The following PARD3B variants were observed in gnomAD, a reference collection of about 807,000 sequenced individuals.
PARD3B encodes the protein par-3 family cell polarity regulator beta, also known as partitioning defective 3 homolog B.
Under a neutral mutation model 130.2 loss-of-function variants are expected in PARD3B, and 103 were observed. The observed-to-expected ratio is 0.79, with a 90% CI of 0.67 to 0.93. PARD3B has a LOEUF of 0.93. Ranked by LOEUF, PARD3B falls within the 40% of genes least tolerant of loss-of-function variation. The probability of loss-of-function intolerance (pLI) is 0.00; values close to 1 mark genes in which losing one functional copy is unlikely to be tolerated. For synonymous variants in PARD3B, 583 were observed against 553.2 expected, an observed-to-expected ratio of 1.05 and a Z score of -0.76; for missense variants, 1,609 against 1,499.2, an observed-to-expected ratio of 1.07 and a Z score of -1.21.
At chr2:204,674,826 T>A (rs554804517) in intron 1 of PARD3B, among the ~76,000 whole-genome samples, 1 of 152,350 alleles carries the variant, frequency 6.6e-6, no homozygotes, top group South Asian at 2.1e-4. Context: ...GTCGAAAGTA[T>A]TCTTTGGAGT....
At chr2:204,616,425 T>A (rs1342410111) in intron 1 of PARD3B, among the ~76,000 whole-genome samples, 1 of 152,182 alleles carries the variant, frequency 6.6e-6, no homozygotes, top group African/African-American at 2.4e-5. Flanking sequence ...GAGTTACTAC[T>A]GCACATCTAT....
chr2:205,381,225 A>T (rs1316210773), intron 18 of PARD3B, among the ~76,000 whole-genome samples: 1 of 127,454 alleles, frequency 7.8e-6, no homozygotes, highest in Non-Finnish European at 1.6e-5. Flanking sequence ...TATATATTAT[A>T]TATAATATAT....
intron 2 of PARD3B, among the ~76,000 whole-genome samples, chr2:204,916,598 T>C (rs955108110): frequency 2.0e-5 from 3 of 152,174 alleles, no homozygotes; most frequent in African/African-American, 7.2e-5. Flanking sequence ...GAGTGTATTT[T>C]ATAAGGAAAA....
chr2:205,253,301 C>A lies in PARD3B; in HGVS notation c.2185+7479C>A. 2.0e-6 allele frequency: 1 copy of A among 502,250 alleles called. No homozygotes were observed. Among genetic ancestry groups the A allele is most frequent in the East Asian group, 5.3e-5 (1 of 18,804 alleles). The allele number at this position is 502,250 out of a possible 1,614,324, so 31.1% of individuals were successfully genotyped here. On this transcript the variant is annotated intron_variant, in intron 16 of 22. Coordinates refer to ENST00000406610, the MANE Select transcript of PARD3B (RefSeq NM_001302769.2). The surrounding 1 kb of genome is among the most constrained non-coding windows in gnomAD (Gnocchi z 4.4). ...AGAGTAAAATGTATTAACACAAAGGCTCTGGCCGCCCCCCTACAAAGGAGG... is the reference window on the plus strand; with the variant it reads ...AGAGTAAAATGTATTAACACAAAGGATCTGGCCGCCCCCCTACAAAGGAGG...
chr2:205,574,147 T>G (rs73985049), intron 22 of PARD3B, among the ~76,000 whole-genome samples: 7 of 152,290 alleles, frequency 4.6e-5, no homozygotes, highest in African/African-American at 1.7e-4. Flanking sequence ...AGAAAGAACA[T>G]TGAAATCAAA....
intron 18 of PARD3B, among the ~76,000 whole-genome samples, chr2:205,326,364 T>C (rs1391491790): frequency 6.6e-6 from 1 of 152,170 alleles, no homozygotes; most frequent in Non-Finnish European, 1.5e-5. Context: ...AGGGACACAA[T>C]TTGACAATTG....
intron 21 of PARD3B, among the ~76,000 whole-genome samples, chr2:205,506,956 T>A (rs2050389467): frequency 6.6e-6 from 1 of 152,176 alleles, no homozygotes; most frequent in South Asian, 2.1e-4. Context: ...TAGGAGTCTC[T>A]TTTTTCATCT....
Position 205,288,050 on chromosome 2 carries a change from T to C in PARD3B, c.2186-12480T>C, listed in dbSNP as rs1039293332. ...ACCTCATTTATTTTGTGTGTCCCCA[T>C]GTTATTAGTTTTACTGCCCATTAAT... On this transcript the variant is annotated intron_variant, in intron 16 of 22. Coordinates refer to ENST00000406610, the MANE Select transcript of PARD3B (RefSeq NM_001302769.2). The surrounding 1 kb of genome is among the most constrained non-coding windows in gnomAD (Gnocchi z 4.0). Among the ~76,000 whole-genome samples, 2 of 152,140 alleles carry C rather than the reference T, an allele frequency of 1.3e-5. No homozygotes were observed. Among genetic ancestry groups the C allele is most frequent in the African/African-American group, 4.8e-5 (2 of 41,442 alleles).
At chr2:205,049,967 T>C (rs1699076582) in intron 4 of PARD3B, among the ~76,000 whole-genome samples, 1 of 152,090 alleles carries the variant, frequency 6.6e-6, no homozygotes, top group South Asian at 2.1e-4. Flanking sequence ...CTTAGGTGTC[T>C]CTTGCTTCAG....
In PARD3B at chr2:205,276,874, T is replaced by G. The variant is rs1360397504; in HGVS notation, c.2186-23656T>G. ...ACCCTTAGTCATGCTGAGCCTCAGC[T>G]TATTTAGCTTTAAATGATGGGTAAT... On this transcript the variant is annotated intron_variant, in intron 16 of 22. Transcript: ENST00000406610. The surrounding 1 kb of genome is among the most constrained non-coding windows in gnomAD (Gnocchi z 5.0). Among the ~76,000 whole-genome samples, 1 of 152,166 alleles carries G rather than the reference T, an allele frequency of 6.6e-6. No homozygotes were observed. Among genetic ancestry groups the G allele is most frequent in the Non-Finnish European group, 1.5e-5 (1 of 68,022 alleles).
Position 205,057,400 on chromosome 2 carries a change from GTGTTATATA to G in PARD3B, c.504+9711_504+9719del, listed in dbSNP as rs1559396690. On this transcript the variant is annotated intron_variant, in intron 4 of 22. Transcript: ENST00000406610. ...TACATATACATATATACATGTATAT[GTGTTATATA>G]CATATACATATATACATGTATATGT... is the stretch of plus-strand genomic sequence containing the variant. Among the ~76,000 whole-genome samples, 159 of 129,570 alleles carry G rather than the reference GTGTTATATA, an allele frequency of 1.2e-3. 2 individuals carry two copies. The highest frequency in any genetic ancestry group is 4.2e-3 in the African/African-American group (152 of 36,192). The allele number at this position is 129,570 out of a possible 152,430, so 85.0% of individuals were successfully genotyped here. A position where few individuals can be genotyped will look rare whatever the true frequency, so the allele number is the denominator to read the frequency against.
At chr2:205,260,202 G>T (rs1263454861) in intron 16 of PARD3B, among the ~76,000 whole-genome samples, 1 of 152,082 alleles carries the variant, frequency 6.6e-6, no homozygotes, top group African/African-American at 2.4e-5. Flanking sequence ...ATGTGTTCAG[G>T]TAAAAAAGCA....
intron 3 of PARD3B, among the ~76,000 whole-genome samples, chr2:204,969,564 T>G (rs1421745638): frequency 6.6e-6 from 1 of 152,192 alleles, no homozygotes; most frequent in Non-Finnish European, 1.5e-5. Flanking sequence ...CGATATTATT[T>G]TACAAATGAG....
intron 2 of PARD3B, among the ~76,000 whole-genome samples, chr2:204,917,317 G>A (rs529944923): frequency 1.2e-3 from 184 of 152,182 alleles, no homozygotes; most frequent in Non-Finnish European, 2.2e-3. Context: ...CTGGGAGGTT[G>A]TGCAGGGTAG....
chr2:204,553,132 A>G (rs1354078350), intron 1 of PARD3B, among the ~76,000 whole-genome samples: 1 of 151,768 alleles, frequency 6.6e-6, no homozygotes, highest in Non-Finnish European at 1.5e-5. Flanking sequence ...GAAGATATAG[A>G]AATGGCCAAC....
At chr2:205,607,019 G>A (rs188467611) in intron 22 of PARD3B, among the ~76,000 whole-genome samples, 64 of 152,200 alleles carry the variant, frequency 4.2e-4, no homozygotes, top group African/African-American at 1.4e-3. Context: ...TGATGCCAAC[G>A]TTCAAGGTAC....
chr2:204,668,653 T>G (rs2036135959), intron 1 of PARD3B, among the ~76,000 whole-genome samples: 1 of 152,226 alleles, frequency 6.6e-6, no homozygotes, highest in South Asian at 2.1e-4. Context: ...CGGAATATTC[T>G]TAGTGCTGTT....
chr2:205,057,014 A>G (rs1274133068), intron 4 of PARD3B, among the ~76,000 whole-genome samples: 1 of 151,668 alleles, frequency 6.6e-6, no homozygotes, highest in Non-Finnish European at 1.5e-5. Context: ...GCATGTTTTG[A>G]GCACCTGTCA....
intron 19 of PARD3B, among the ~76,000 whole-genome samples, chr2:205,406,168 A>G (rs1000828115): frequency 6.6e-6 from 1 of 152,180 alleles, no homozygotes; most frequent in African/African-American, 2.4e-5. Flanking sequence ...ACTGTCACAT[A>G]GAGATTAGAT....
Sources: allele counts gnomAD v4.1 joint callset (sites outside exome capture counted in the v4.1 genomes callset), GRCh38; gene constraint gnomAD v4.1.1; non-coding constraint Gnocchi (gnomAD v3.1); transcripts MANE v1.5; gene names NCBI Gene and HGNC (gene_info 2026-07-23, HGNC 2026-07-21).